DUSP22: variants seen among roughly 807,000 people sequenced by gnomAD.
DUSP22 encodes dual specificity phosphatase 22.
DUSP22 carries 24 observed loss-of-function variants against 24.5 expected under a neutral mutation model. The ratio of observed to expected loss-of-function variants is 0.98; its 90% CI spans 0.71 to 1.38. The LOEUF (loss-of-function observed/expected upper bound fraction) is 1.38. Among genes scored for constraint, DUSP22 ranks in the 40% most tolerant of loss-of-function variants. The pLI, the probability that DUSP22 is intolerant of heterozygous loss-of-function variation, is 0.00. For missense variants in DUSP22, 330 were observed against 269.2 expected, an observed-to-expected ratio of 1.23 and a Z score of -1.58; for synonymous variants, 160 against 106.4, an observed-to-expected ratio of 1.50 and a Z score of -3.10.
intron 5 of DUSP22, among the ~76,000 whole-genome samples, chr6:346,530 C>T (rs1759885359): frequency 6.6e-6 from 1 of 152,300 alleles, no homozygotes; most frequent in African/African-American, 2.4e-5. Context: ...GTGTGCCTGG[C>T]ACATAGAGAG....
At chr6:326,746 T>G (rs1257219350) in intron 3 of DUSP22, among the ~76,000 whole-genome samples, 2 of 152,304 alleles carry the variant, frequency 1.3e-5, no homozygotes, top group East Asian at 3.8e-4. Flanking sequence ...TGACTTTCCT[T>G]GTTTAAAGTC....
chr6:319,959 C>G (rs1012626430), intron 3 of DUSP22: 11 of 152,390 alleles, frequency 7.2e-5, no homozygotes, highest in Admixed American at 2.6e-4. Flanking sequence ...AGTAATCGCT[C>G]TTTCTTGAAG....
chr6:326,141 C>T lies in DUSP22; in HGVS notation c.139-8973C>T, dbSNP rs1430051153. 6 of 236,170 alleles carry T rather than the reference C, an allele frequency of 2.5e-5. No individual in the cohort carries two copies. In the South Asian group the frequency reaches 2.9e-4, roughly 12 times the overall value. The allele number at this position is 236,170 out of a possible 1,614,324, so 14.6% of individuals were successfully genotyped here. A position where few individuals can be genotyped will look rare whatever the true frequency, so the allele number is the denominator to read the frequency against. Reference sequence around the variant, plus strand: ...GCTGGTGCCTGGAGAGTCGTCTTCCCTCGGCTTCTGTGTCCTGGTGTGTGC... The same window carrying T: ...GCTGGTGCCTGGAGAGTCGTCTTCCTTCGGCTTCTGTGTCCTGGTGTGTGC... On this transcript the variant is annotated intron_variant, in intron 3 of 6. Coordinates refer to ENST00000419235, the MANE Select transcript of DUSP22 (RefSeq NM_001286555.3).
At chr6:328,585 C>T (rs1044133027) in intron 3 of DUSP22, among the ~76,000 whole-genome samples, 7 of 152,416 alleles carry the variant, frequency 4.6e-5, no homozygotes, top group Admixed American at 2.6e-4. Context: ...CTCCTGCTCC[C>T]TCCCCGCCCC....
rs1024512144 is a variant in DUSP22, at chr6:302,085, C to T, written c.22-2543C>T. Among the ~76,000 whole-genome samples, 8 of 152,292 alleles carry T rather than the reference C, an allele frequency of 5.3e-5. No homozygotes were observed. The East Asian group carries it at 5.8e-4, about 11-fold the overall frequency. On this transcript the variant is annotated intron_variant, in intron 1 of 6. Transcript: ENST00000419235. ...TGCACAGGACTGGAGTGTCAGATGG[C>T]GGAGGCAAGCTCAGAGAGAAATGCA...
At chr6:346,429 G>GACACACACACACAC (rs10642379) in intron 5 of DUSP22, among the ~76,000 whole-genome samples, 89 of 151,296 alleles carry the variant, frequency 5.9e-4, no homozygotes, top group African/African-American at 1.8e-3. Flanking sequence ...ATTTTGTGTA[G>GACACACACACACAC]ACACACACAC....
Position 349,913 on chromosome 6 carries a change from C to T in DUSP22, c.*962C>T, listed in dbSNP as rs2127425322. 1.0e-6 allele frequency: 1 copy of T among 985,852 alleles called. No homozygotes were observed. Among genetic ancestry groups the T allele is most frequent in the Admixed American group, 6.1e-5 (1 of 16,300 alleles). 61.1% of individuals were successfully genotyped at this position (985,852 alleles called of 1,614,324 possible). ...CTCTCTGCTCCTTGCCAGCTTCATT[C>T]ACTCCCAGCCTCTCGCTGTCCTCAC... On this transcript the variant is annotated 3_prime_UTR_variant, in exon 7 of 7. Coordinates refer to ENST00000419235, the MANE Select transcript of DUSP22 (RefSeq NM_001286555.3).
intron 1 of DUSP22, among the ~76,000 whole-genome samples, chr6:296,869 T>C (rs575320457): frequency 2.0e-5 from 3 of 152,390 alleles, no homozygotes; most frequent in Admixed American, 2.0e-4. Context: ...CCAGGGTTCG[T>C]TTAGCTCATC....
At chr6:296,866 T>G (rs1757355401) in intron 1 of DUSP22, among the ~76,000 whole-genome samples, 1 of 152,420 alleles carries the variant, frequency 6.6e-6, no homozygotes, top group African/African-American at 2.4e-5. Flanking sequence ...CTGCCAGGGT[T>G]CGTTTAGCTC....
intron 3 of DUSP22, among the ~76,000 whole-genome samples, chr6:316,751 CAA>C (rs1334548171): frequency 6.6e-6 from 1 of 152,106 alleles, no homozygotes; most frequent in Non-Finnish European, 1.5e-5. Context: ...TCACTATTAA[CAA>C]AAAAAAAGTT....
chr6:311,785 G>A, intron 2 of DUSP22, 95 bp from the exon 3 acceptor site: 2 of 1,330,998 alleles, frequency 1.5e-6, no homozygotes, highest in Non-Finnish European at 2.0e-6. Context: ...AAATATGCAA[G>A]TCATTTTGTG....
chr6:339,895 C>T lies in DUSP22; in HGVS notation c.188+4732C>T, dbSNP rs756954365. ...TTGCAAGATGAGAGCTAGTTGGGCC[C>T]TTGGACTACTGTGGTCCTGCTTCCA... On this transcript the variant is annotated intron_variant, in intron 4 of 6. Transcript: ENST00000419235. 4.6e-5 allele frequency among the ~76,000 whole-genome samples: 7 copies of T among 152,416 alleles called. No homozygotes were observed. The East Asian group carries it at 5.8e-4, about 13-fold the overall frequency.
At chr6:345,072 A>G (rs1286719606) in intron 4 of DUSP22, among the ~76,000 whole-genome samples, 1 of 152,306 alleles carries the variant, frequency 6.6e-6, no homozygotes, top group Non-Finnish European at 1.5e-5. Flanking sequence ...AAACTTCCAG[A>G]CAACCCACAG....
At chr6:299,087 G>A (rs1230821760) in intron 1 of DUSP22, among the ~76,000 whole-genome samples, 1 of 152,308 alleles carries the variant, frequency 6.6e-6, no homozygotes, top group Non-Finnish European at 1.5e-5. Flanking sequence ...CAGATGCTTA[G>A]CACCAATTCT....
chr6:295,210 G>A (rs886274978), intron 1 of DUSP22, among the ~76,000 whole-genome samples: 4 of 152,284 alleles, frequency 2.6e-5, no homozygotes, highest in Non-Finnish European at 4.4e-5. Context: ...TGTGCCCTGA[G>A]GTTACTGGGA....
At chr6:320,845 C>T (rs1758553846) in intron 3 of DUSP22, among the ~76,000 whole-genome samples, 1 of 152,302 alleles carries the variant, frequency 6.6e-6, no homozygotes, top group Non-Finnish European at 1.5e-5. Flanking sequence ...CTTCAGTTCT[C>T]CTTTTGGCTA....
intron 3 of DUSP22, among the ~76,000 whole-genome samples, chr6:327,683 A>G (rs1202440666): frequency 2.6e-5 from 4 of 152,416 alleles, no homozygotes; most frequent in East Asian, 1.9e-4. Context: ...GAAGTCTGCT[A>G]AGGGGGAGGC....
intron 3 of DUSP22, among the ~76,000 whole-genome samples, chr6:328,872 C>T (rs1234340123): frequency 2.0e-5 from 3 of 152,306 alleles, no homozygotes; most frequent in East Asian, 1.9e-4. Context: ...TTTGTGTTGA[C>T]TTCCAGTACT....
intron 1 of DUSP22, among the ~76,000 whole-genome samples, chr6:294,163 A>G (rs1403972864): frequency 6.6e-6 from 1 of 152,294 alleles, no homozygotes; most frequent in Non-Finnish European, 1.5e-5. Context: ...CTTTTCAACA[A>G]AAGCAGTAAT....
Sources: gnomAD v4.1 joint callset for allele counts (sites outside exome capture counted in the v4.1 genomes callset) on GRCh38, gnomAD v4.1.1 for gene constraint, MANE v1.5 for transcripts, NCBI Gene and HGNC (gene_info 2026-07-23, HGNC 2026-07-21) for gene names.